Variants in LRFN3 observed in about 807,000 individuals in gnomAD.
LRFN3 encodes the protein leucine-rich repeat and fibronectin type-III domain-containing protein 3.
LRFN3 carries 8 observed loss-of-function variants against 23.8 expected under a neutral mutation model. That is an observed-to-expected ratio of 0.34 (90% CI 0.20 to 0.61). The LOEUF is 0.61. Ranked by LOEUF, LRFN3 falls within the 20% of genes least tolerant of loss-of-function variation. The pLI is 0.80. For synonymous variants in LRFN3, 451 were observed against 450.6 expected, an observed-to-expected ratio of 1.00 and a Z score of -0.01; for missense variants, 736 against 935.3, an observed-to-expected ratio of 0.79 and a Z score of 2.78.
rs1376268839 is a variant in LRFN3, at chr19:35,939,269, C to T, written c.-16-141C>T. On this transcript the variant is annotated intron_variant, in intron 1 of 2. Coordinates refer to ENST00000246529, the MANE Select transcript of LRFN3 (RefSeq NM_024509.2). The surrounding 1 kb of genome is among the most constrained non-coding windows in gnomAD (Gnocchi z 6.4). ...GTGTGAGCCACCGCGCCTGGCCTTCCTCTGGCTTTTGGTCACATCTGACGG... is the reference window on the plus strand; with the variant it reads ...GTGTGAGCCACCGCGCCTGGCCTTCTTCTGGCTTTTGGTCACATCTGACGG... The T allele has an allele frequency of 2.3e-6, 2 of 886,618 alleles. No individual in the cohort carries two copies. Among genetic ancestry groups the T allele is most frequent in the African/African-American group, 1.7e-5 (1 of 58,964 alleles). The allele number at this position is 886,618 out of a possible 1,614,324, so 54.9% of individuals were successfully genotyped here. A position where few individuals can be genotyped will look rare whatever the true frequency, so the allele number is the denominator to read the frequency against.
chr19:35,945,874 AGG>A lies in LRFN3; in HGVS notation c.*857_*858del, dbSNP rs1976173286. On this transcript the variant is annotated 3_prime_UTR_variant, in exon 3 of 3. Transcript: ENST00000246529. ...GGAAGATCCTTCTAGTGCTATGAGT[AGG>A]GTGGACCCAAGGGGAAGACTGAAGC... 2 of 152,288 alleles carry A rather than the reference AGG, an allele frequency of 1.3e-5. No homozygotes were observed. Among genetic ancestry groups the A allele is most frequent in the Non-Finnish European group, 2.9e-5 (2 of 68,170 alleles). The allele number at this position is 152,288 out of a possible 1,614,324, so 9.4% of individuals were successfully genotyped here.
Position 35,945,146 on chromosome 19 carries a change from G to C in LRFN3, c.*127G>C. The C allele has an allele frequency of 1.8e-6, 1 of 542,012 alleles. No individual in the cohort carries two copies. Among genetic ancestry groups the C allele is most frequent in the Non-Finnish European group, 3.0e-6 (1 of 330,688 alleles). 33.6% of individuals were successfully genotyped at this position (542,012 alleles called of 1,614,324 possible). ...TAAAACTCTGATGGGGAGGGTGTCG[G>C]GGACACCGGGGCAAAACAAGAAAGT... On this transcript the variant is annotated 3_prime_UTR_variant, in exon 3 of 3. Coordinates refer to ENST00000246529, the MANE Select transcript of LRFN3 (RefSeq NM_024509.2).
At chr19:35,942,774 A>T (rs1976137058) in intron 2 of LRFN3, among the ~76,000 whole-genome samples, 1 of 152,132 alleles carries the variant, frequency 6.6e-6, no homozygotes, top group Non-Finnish European at 1.5e-5. Flanking sequence ...TAACCCCTAT[A>T]ATCCCAGCAC....
Position 35,940,675 on chromosome 19 carries a change from C to A in LRFN3, c.1250C>A (p.Ser417Tyr). 6.2e-7 allele frequency: 1 copy of A among 1,613,180 alleles called. No individual in the cohort carries two copies. The highest frequency in any genetic ancestry group is 8.5e-7 in the Non-Finnish European group (1 of 1,179,676). ...ACCCCACCCTCCGCTGCCTCTGCTT[C>A]TGCCAAGGTGGCCGACACTGGGCCC... ...ALTPPSAASA[S>Y]AKVADTGPPT... The change falls in exon 2 of 3, where the codon TCT becomes TAT. Residue 417 changes from serine (S) to tyrosine (Y), a missense_variant. Physicochemically the swap from Ser to Tyr is moderately radical, Grantham distance 144 (BLOSUM62 -2). Transcript: ENST00000246529.
intron 2 of LRFN3, among the ~76,000 whole-genome samples, chr19:35,942,350 C>T (rs967144601): frequency 1.3e-5 from 2 of 152,198 alleles, no homozygotes; most frequent in African/African-American, 2.4e-5. Context: ...CCAACTTGTT[C>T]CCCCAAGCTG....
chr19:35,941,889 C>CT (rs11420108), intron 2 of LRFN3, among the ~76,000 whole-genome samples: 6,098 of 130,568 alleles, frequency 0.047, 280 homozygotes, highest in East Asian at 0.14. Flanking sequence ...TTTTTCTTTT[C>CT]TTTTTTTTTT....
At chr19:35,938,704 C>T (rs568455177) in intron 1 of LRFN3, among the ~76,000 whole-genome samples, 1 of 152,186 alleles carries the variant, frequency 6.6e-6, no homozygotes, top group African/African-American at 2.4e-5. Context: ...TTTCTGACCA[C>T]GTGTCTCTGA....
intron 2 of LRFN3, among the ~76,000 whole-genome samples, chr19:35,941,132 C>T (rs1976116641): frequency 6.6e-6 from 1 of 152,036 alleles, no homozygotes; most frequent in Admixed American, 6.6e-5. Context: ...TAAAAAAGAT[C>T]AAGCAATAAG....
At position 35,944,611 on chromosome 19, in the gene LRFN3, T is replaced by C. The variant is rs1976155116; in HGVS notation, c.1479T>C (p.Asp493=). ...ACCTGGCGTCAGGCCGGACCTACGA[T>C]CTGTGCGTGCTCGCCGTGTATGAGG... ...LTDLASGRTY[D]LCVLAVYEDS... Residue 493 remains aspartate (D), a synonymous_variant, in exon 3 of 3, where the codon GAT becomes GAC. Transcript: ENST00000246529. The surrounding 1 kb of genome is among the most constrained non-coding windows in gnomAD (Gnocchi z 4.5). The C allele has an allele frequency of 6.6e-7, 1 of 1,521,080 alleles. No homozygotes were observed. Among genetic ancestry groups the C allele is most frequent in the South Asian group, 1.3e-5 (1 of 78,304 alleles). 94.2% of individuals were successfully genotyped at this position (1,521,080 alleles called of 1,614,324 possible).
At chr19:35,940,937 G>A (rs565605824) in intron 2 of LRFN3, 97 bp downstream of exon 2, 1 of 1,396,462 alleles carries the variant, frequency 7.2e-7, no homozygotes, top group South Asian at 1.8e-5. Flanking sequence ...AAGCACAACT[G>A]ATAAGTGATG....
At position 35,939,831 on chromosome 19, in the gene LRFN3, C is replaced by G; in HGVS notation, c.406C>G (p.Leu136Val). 1 of 1,602,424 alleles carries G rather than the reference C, an allele frequency of 6.2e-7. No homozygotes were observed. The highest frequency in any genetic ancestry group is 8.5e-7 in the Non-Finnish European group (1 of 1,179,798). ...GCGCGGCCTGGTCAACTTGCGCCAC[C>G]TCATCCTCAGCAACAACCAGCTGGC... The part of the protein sequence containing the change: ...QLRGLVNLRH[L>V]ILSNNQLAAL... The change falls in exon 2 of 3, where the codon CTC becomes GTC. Residue 136 changes from leucine to valine, a missense_variant. By Grantham distance (32) the Leu-to-Val change is conservative (BLOSUM62 1). Coordinates refer to ENST00000246529, the MANE Select transcript of LRFN3 (RefSeq NM_024509.2). The surrounding 1 kb of genome is among the most constrained non-coding windows in gnomAD (Gnocchi z 6.4).
In LRFN3 at chr19:35,946,544, CA is replaced by C. The variant is rs1976180406; in HGVS notation, c.*1526del. On this transcript the variant is annotated 3_prime_UTR_variant, in exon 3 of 3. Coordinates refer to ENST00000246529, the MANE Select transcript of LRFN3 (RefSeq NM_024509.2). ...TAAACAGGACCAGCAGGCAGAGGGA[CA>C]GGGGGAAGAAGACCAAGCAATTCAG... Among the ~76,000 whole-genome samples the C allele has an allele frequency of 6.6e-6, 1 of 151,970 alleles. No individual in the cohort carries two copies. Among genetic ancestry groups the C allele is most frequent in the East Asian group, 1.9e-4 (1 of 5,184 alleles).
In LRFN3 at chr19:35,944,853, A is replaced by G. The variant is rs776192351; in HGVS notation, c.1721A>G (p.Lys574Arg). The G allele has an allele frequency of 3.7e-6, 6 of 1,602,872 alleles. No homozygotes were observed. In the South Asian group the frequency reaches 6.6e-5, roughly 18 times the overall value. Residue 574 changes from lysine (K) to arginine (R), a missense_variant, in exon 3 of 3, where the codon AAG (lysine) becomes AGG (arginine). By Grantham distance (26) the Lys-to-Arg change is conservative. This residue lies in a region of LRFN3 where 290 missense variants were observed against 287.4 expected (regional missense o/e 1.01). Transcript: ENST00000246529. The surrounding 1 kb of genome is among the most constrained non-coding windows in gnomAD (Gnocchi z 4.5). ...GGCGGCCAGCCCCCCGGCAAGGCCA[A>G]GATTCCCGCGCCTGTTAGCAGCGTT... is the stretch of plus-strand genomic sequence containing the variant. ...VHGGQPPGKAKIPAPVSSVCS... is the reference protein window; with the variant it reads ...VHGGQPPGKARIPAPVSSVCS...
chr19:35,939,239 T>G lies in LRFN3; in HGVS notation c.-16-171T>G, dbSNP rs1178543357. Among the ~76,000 whole-genome samples the G allele has an allele frequency of 5.3e-5, 8 of 152,298 alleles. No individual in the cohort carries two copies. In the East Asian group the frequency reaches 1.5e-3, roughly 29 times the overall value. ...CCTCAGCCTCCCCAAATGCTGGGAT[T>G]ACATGTGTGAGCCACCGCGCCTGGC... On this transcript the variant is annotated intron_variant, in intron 1 of 2. Coordinates refer to ENST00000246529, the MANE Select transcript of LRFN3 (RefSeq NM_024509.2). This position sits in a 1 kb window ranked among gnomAD's most constrained non-coding sequence, Gnocchi z 6.4.
In LRFN3 at chr19:35,944,731, C is replaced by T; in HGVS notation, c.1599C>T (p.Pro533=). 1 of 1,607,372 alleles carries T rather than the reference C, an allele frequency of 6.2e-7. No homozygotes were observed. Among genetic ancestry groups the T allele is most frequent in the Non-Finnish European group, 8.5e-7 (1 of 1,177,348 alleles). Reference sequence around the variant, plus strand: ...GGCCATGCGGGGCGCCGCACGCTCCCTTCCTGGGCGGCACGATGATCATCG... The same window carrying T: ...GGCCATGCGGGGCGCCGCACGCTCCTTTCCTGGGCGGCACGATGATCATCG... ...ALRPCGAPHA[P]FLGGTMIIAL... is the part of the protein sequence containing the mutation. The change falls in exon 3 of 3, where the codon CCC becomes CCT. Residue 533 remains proline, a synonymous_variant. Coordinates refer to ENST00000246529, the MANE Select transcript of LRFN3 (RefSeq NM_024509.2). This position sits in a 1 kb window ranked among gnomAD's most constrained non-coding sequence, Gnocchi z 4.5.
rs1349466350 is a variant in LRFN3 at position 35,946,285 on chromosome 19, G to A, written c.*1266G>A. Among the ~76,000 whole-genome samples the A allele has an allele frequency of 6.6e-6, 1 of 152,012 alleles. No individual in the cohort carries two copies. The highest frequency in any genetic ancestry group is 1.9e-4 in the East Asian group (1 of 5,186). On this transcript the variant is annotated 3_prime_UTR_variant, in exon 3 of 3. Coordinates refer to ENST00000246529, the MANE Select transcript of LRFN3 (RefSeq NM_024509.2). ...TGGGAACTGACGCTGCTGGGGTTAA[G>A]ACGGCTTCTTGTGGGGGATGATTCC...
chr19:35,940,233 G>A lies in LRFN3; in HGVS notation c.808G>A (p.Glu270Lys). 3 of 1,607,256 alleles carry A rather than the reference G, an allele frequency of 1.9e-6. No homozygotes were observed. Among genetic ancestry groups the A allele is most frequent in the Non-Finnish European group, 2.5e-6 (3 of 1,179,370 alleles). Reference protein sequence around the residue: ...LRRLAREDDLEACASPPALGG... With the variant: ...LRRLAREDDLKACASPPALGG... ...TCGCCTGGCGCGGGAGGACGACCTC[G>A]AGGCCTGCGCGTCCCCACCTGCTCT... Residue 270 changes from glutamate (E) to lysine (K), a missense_variant, in exon 2 of 3, where the codon GAG becomes AAG. Glu to Lys is a moderately conservative substitution (Grantham distance 56, BLOSUM62 1). Coordinates refer to ENST00000246529, the MANE Select transcript of LRFN3 (RefSeq NM_024509.2).
Position 35,941,678 on chromosome 19 carries a change from T to C in LRFN3, c.1415+838T>C, listed in dbSNP as rs1001780319. Among the ~76,000 whole-genome samples, 5 of 151,924 alleles carry C rather than the reference T, an allele frequency of 3.3e-5. No homozygotes were observed. In the East Asian group the frequency reaches 9.7e-4, roughly 30 times the overall value. The stretch of plus-strand genomic sequence containing the variant: ...CCACTTCCCGGGTTCAAGCGATTCT[T>C]GTGCCTCAGCCTCTCGAGTAGCTGG... On this transcript the variant is annotated intron_variant, in intron 2 of 2. Coordinates refer to ENST00000246529, the MANE Select transcript of LRFN3 (RefSeq NM_024509.2).
chr19:35,944,771 A>T lies in LRFN3; in HGVS notation c.1639A>T (p.Ile547Phe). The change falls in exon 3 of 3, where the codon ATC becomes TTC. Residue 547 changes from isoleucine to phenylalanine, a missense_variant. By Grantham distance (21) the Ile-to-Phe change is conservative (BLOSUM62 0). Around this residue, in one of 2 missense-constraint regions of LRFN3, gnomAD observed 290 missense variants for 287.4 expected, o/e 1.01. Coordinates refer to ENST00000246529, the MANE Select transcript of LRFN3 (RefSeq NM_024509.2). This position sits in a 1 kb window ranked among gnomAD's most constrained non-coding sequence, Gnocchi z 4.5. The part of the protein sequence containing the change: ...GTMIIALGGV[I>F]VASVLVFIFV... ...GATGATCATCGCGCTGGGCGGCGTC[A>T]TCGTAGCCTCGGTACTGGTCTTCAT... The T allele has an allele frequency of 6.2e-7, 1 of 1,610,476 alleles. No individual in the cohort carries two copies. Among genetic ancestry groups the T allele is most frequent in the Non-Finnish European group, 8.5e-7 (1 of 1,178,778 alleles).
Sources: gnomAD v4.1 joint callset for allele counts (sites outside exome capture counted in the v4.1 genomes callset) on GRCh38, gnomAD v4.1.1 for gene constraint, gnomAD v4.1.1 regional missense constraint, Gnocchi (gnomAD v3.1) non-coding constraint, MANE v1.5 for transcripts, NCBI Gene and HGNC (gene_info 2026-07-23, HGNC 2026-07-21) for gene names.